NFE2L3: variants seen among roughly 807,000 people sequenced by gnomAD.
NFE2L3 encodes nuclear factor erythroid 2-related factor 3.
A neutral mutation model predicts 23.5 loss-of-function variants in NFE2L3; 18 were observed. That is an observed-to-expected ratio of 0.77 (90% CI 0.53 to 1.13). The LOEUF (loss-of-function observed/expected upper bound fraction) is 1.13, where lower values mean the gene tolerates loss of function less well. Among genes scored for constraint, NFE2L3 ranks in the 50% most tolerant of loss-of-function variants. NFE2L3 has a pLI of 0.00. For synonymous variants in NFE2L3, 424 were observed against 354.5 expected, an observed-to-expected ratio of 1.20 and a Z score of -2.20; for missense variants, 1,152 against 877.2, an observed-to-expected ratio of 1.31 and a Z score of -3.96.
In NFE2L3 at chr7:26,152,759, C is replaced by T. The variant is rs1784016907; in HGVS notation, c.261C>T (p.Pro87=). 1.3e-5 allele frequency: 19 copies of T among 1,475,852 alleles called. No individual in the cohort carries two copies. The highest frequency in any genetic ancestry group is 1.6e-5 in the Non-Finnish European group (18 of 1,121,200). 91.4% of individuals were successfully genotyped at this position (1,475,852 alleles called of 1,614,324 possible). ...GGGAGCTGGACCCTGCCGCGCCGCC[C>T]GAGGGCCAGCTGCTCCGGGAGGTGC... ...KGRELDPAAP[P]EGQLLREVRA... The change falls in exon 1 of 4, where the codon CCC becomes CCT. Residue 87 remains proline, a synonymous_variant. Coordinates refer to ENST00000056233, the MANE Select transcript of NFE2L3 (RefSeq NM_004289.7). This position sits in a 1 kb window ranked among gnomAD's most constrained non-coding sequence, Gnocchi z 4.4.
rs1480704710 is a variant in NFE2L3 at position 26,185,198 on chromosome 7, C to T, written c.1500C>T (p.Tyr500=). The T allele has an allele frequency of 1.1e-5, 17 of 1,613,736 alleles. No individual in the cohort carries two copies. Among genetic ancestry groups the T allele is most frequent in the African/African-American group, 1.3e-5 (1 of 74,906 alleles). Residue 500 remains tyrosine, a synonymous_variant, in exon 4 of 4, where the codon TAC becomes TAT. Coordinates refer to ENST00000056233, the MANE Select transcript of NFE2L3 (RefSeq NM_004289.7). ...TFQHVFHNHT[Y]HLQPTAPEST... ...AACACGTATTTCATAACCACACTTA[C>T]CACTTACAGCCAACTGCACCAGAAT...
intron 1 of NFE2L3, among the ~76,000 whole-genome samples, chr7:26,168,137 T>C (rs901305902): frequency 2.7e-5 from 4 of 148,778 alleles, no homozygotes; most frequent in Admixed American, 6.7e-5. Flanking sequence ...ATTCTTGTCT[T>C]TTTTTTTCTT....
chr7:26,160,209 C>T lies in NFE2L3; in HGVS notation c.570+7141C>T, dbSNP rs957481792. Among the ~76,000 whole-genome samples, 4 of 152,160 alleles carry T rather than the reference C, an allele frequency of 2.6e-5. No individual in the cohort carries two copies. The South Asian group carries it at 8.3e-4, about 32-fold the overall frequency. ...CTGGGCTCAAGCTATCCTCCTGCCT[C>T]TCCTCCTAAAGTGCTGGGATTACAG... is the stretch of plus-strand genomic sequence containing the variant. On this transcript the variant is annotated intron_variant, in intron 1 of 3. Coordinates refer to ENST00000056233, the MANE Select transcript of NFE2L3 (RefSeq NM_004289.7).
In NFE2L3 at chr7:26,185,609, A is replaced by G. The variant is rs760174203; in HGVS notation, c.1911A>G (p.Lys637=). ...AAGCTATTAACATAATGAAACAGAAACTGCATGACCTTTATCATGATATTT... is the reference window on the plus strand; with the variant it reads ...AAGCTATTAACATAATGAAACAGAAGCTGCATGACCTTTATCATGATATTT... The part of the protein sequence containing the change: ...CNKAINIMKQ[K]LHDLYHDIFS... The change falls in exon 4 of 4, where the codon AAA becomes AAG. Residue 637 remains lysine (K), a synonymous_variant. Transcript: ENST00000056233. 16 of 1,613,660 alleles carry G rather than the reference A, an allele frequency of 9.9e-6. No individual in the cohort carries two copies. Among genetic ancestry groups the G allele is most frequent in the Middle Eastern group, 1.6e-4 (1 of 6,076 alleles).
chr7:26,179,016 T>A (rs139190708), intron 2 of NFE2L3, among the ~76,000 whole-genome samples: 1 of 152,224 alleles, frequency 6.6e-6, no homozygotes, highest in East Asian at 1.9e-4. Flanking sequence ...GCCCTGGCCA[T>A]GTAATATTAC....
At chr7:26,154,929 G>C (rs2128096940) in intron 1 of NFE2L3, among the ~76,000 whole-genome samples, 1 of 152,340 alleles carries the variant, frequency 6.6e-6, no homozygotes, top group South Asian at 2.1e-4. Flanking sequence ...TCCTAGGGGA[G>C]AGAGTGAAGT....
Position 26,186,128 on chromosome 7 carries a change from G to C in NFE2L3, c.*345G>C, listed in dbSNP as rs191311338. On this transcript the variant is annotated 3_prime_UTR_variant, in exon 4 of 4. Transcript: ENST00000056233. ...GTTACTTCAAAAAGAGCAAACACTG[G>C]GGATCAAATTATTTTAAGAGGTATT... 6 of 185,252 alleles carry C rather than the reference G, an allele frequency of 3.2e-5. No individual in the cohort carries two copies. In the East Asian group the frequency reaches 6.9e-4, roughly 21 times the overall value. 11.5% of individuals were successfully genotyped at this position (185,252 alleles called of 1,614,324 possible). A position where few individuals can be genotyped will look rare whatever the true frequency, so the allele number is the denominator to read the frequency against.
intron 1 of NFE2L3, among the ~76,000 whole-genome samples, chr7:26,163,011 G>A (rs1029659682): frequency 2.6e-5 from 4 of 151,944 alleles, no homozygotes; most frequent in Admixed American, 6.6e-5. Context: ...ATTTTATTAT[G>A]GAAAATATCA....
At chr7:26,178,823 A>C (rs1255440386) in intron 2 of NFE2L3, among the ~76,000 whole-genome samples, 1 of 152,030 alleles carries the variant, frequency 6.6e-6, no homozygotes, top group Non-Finnish European at 1.5e-5. Context: ...ATATTTAATA[A>C]CCACGTGGCA....
chr7:26,156,515 C>T (rs1784084391), intron 1 of NFE2L3, among the ~76,000 whole-genome samples: 1 of 152,158 alleles, frequency 6.6e-6, no homozygotes, highest in African/African-American at 2.4e-5. Flanking sequence ...GATCTGAAAA[C>T]TGACTCTGGA....
chr7:26,153,149 G>T, intron 1 of NFE2L3, 81 bp downstream of exon 1: 1 of 1,351,444 alleles, frequency 7.4e-7, no homozygotes, highest in South Asian at 1.5e-5. Flanking sequence ...ATCTGAGCAG[G>T]GGCCACTCTC....
Position 26,152,556 on chromosome 7 carries a change from C to G in NFE2L3, c.58C>G (p.Leu20Val). The G allele has an allele frequency of 1.3e-6, 2 of 1,525,744 alleles. No individual in the cohort carries two copies. Among genetic ancestry groups the G allele is most frequent in the South Asian group, 1.2e-5 (1 of 82,752 alleles). 94.5% of individuals were successfully genotyped at this position (1,525,744 alleles called of 1,614,324 possible). The change falls in exon 1 of 4, where the codon CTG becomes GTG. Residue 20 changes from leucine (L) to valine (V), a missense_variant. Physicochemically the swap from Leu to Val is conservative, Grantham distance 32. Coordinates refer to ENST00000056233, the MANE Select transcript of NFE2L3 (RefSeq NM_004289.7). This position sits in a 1 kb window ranked among gnomAD's most constrained non-coding sequence, Gnocchi z 4.4. ...AGGGLLHLTL[L>V]LSLAGLRVDL... ...CGGCGGCCTCCTGCACCTCACCCTC[C>G]TGCTGAGCTTGGCGGGGCTCCGCGT...
At chr7:26,182,232 T>C (rs939946474) in intron 2 of NFE2L3, among the ~76,000 whole-genome samples, 1 of 152,012 alleles carries the variant, frequency 6.6e-6, no homozygotes, top group Non-Finnish European at 1.5e-5. Flanking sequence ...AGAGCAAACT[T>C]ACCAGTAGTA....
chr7:26,168,133 G>GTT (rs1175926245), intron 1 of NFE2L3, among the ~76,000 whole-genome samples: 1 of 148,362 alleles, frequency 6.7e-6, no homozygotes, highest in African/African-American at 2.5e-5. Flanking sequence ...TGTCATTCTT[G>GTT]TCTTTTTTTT....
chr7:26,177,793 T>TAAA, intron 1 of NFE2L3, 150 bp from the exon 2 acceptor site: 2 of 685,908 alleles, frequency 2.9e-6, no homozygotes, highest in Non-Finnish European at 4.9e-6. Context: ...AAACTGACCT[T>TAAA]TGTTTCTGAA....
At chr7:26,171,342 G>A (rs1298035063) in intron 1 of NFE2L3, among the ~76,000 whole-genome samples, 2 of 152,062 alleles carry the variant, frequency 1.3e-5, no homozygotes, top group African/African-American at 2.4e-5. Flanking sequence ...TCAGGAGTTC[G>A]AGACCAACTT....
intron 1 of NFE2L3, among the ~76,000 whole-genome samples, chr7:26,168,377 TC>T (rs1209995100): frequency 1.1e-5 from 1 of 94,522 alleles, no homozygotes; most frequent in Non-Finnish European, 2.2e-5. Context: ...CCTCAGGTGA[TC>T]CACCTGCCTC....
intron 1 of NFE2L3, among the ~76,000 whole-genome samples, chr7:26,160,701 T>G (rs1235005144): frequency 6.6e-6 from 1 of 152,188 alleles, no homozygotes; most frequent in Non-Finnish European, 1.5e-5. Context: ...TTGAAGATAA[T>G]CTCCTTTACT....
At chr7:26,161,678 C>T (rs998435311) in intron 1 of NFE2L3, among the ~76,000 whole-genome samples, 1 of 152,098 alleles carries the variant, frequency 6.6e-6, no homozygotes, top group Non-Finnish European at 1.5e-5. Context: ...GCCAAAGTGA[C>T]TTACCAGGTA....
Sources: allele counts gnomAD v4.1 joint callset (sites outside exome capture counted in the v4.1 genomes callset), GRCh38; gene constraint gnomAD v4.1.1; non-coding constraint Gnocchi (gnomAD v3.1); transcripts MANE v1.5; gene names NCBI Gene and HGNC (gene_info 2026-07-23, HGNC 2026-07-21).